FAM25C: variants seen among roughly 807,000 people sequenced by gnomAD.
FAM25C encodes family with sequence similarity 25 member C, also known as protein FAM25C.
In FAM25C, 4 loss-of-function variants were observed where a neutral mutation model predicts 9.6. The ratio of observed to expected loss-of-function variants is 0.42; its 90% CI spans 0.20 to 0.95. The LOEUF (loss-of-function observed/expected upper bound fraction) is 0.95. FAM25C is among the 40% of genes least tolerant of loss of function. The pLI is 0.31. For synonymous variants in FAM25C, 23 were observed against 44.1 expected, an observed-to-expected ratio of 0.52 and a Z score of 1.89; for missense variants, 38 against 110.4, an observed-to-expected ratio of 0.34 and a Z score of 2.94.
rs7096503 is a variant in FAM25C, at chr10:47,995,483, C to T, written c.165G>A (p.Gln55=). 2,953 of 1,532,146 alleles carry T rather than the reference C, an allele frequency of 1.9e-3. 28 individuals are homozygous for T. The African/African-American group carries it at 0.037, about 19-fold the overall frequency. The allele number at this position is 1,532,146 out of a possible 1,614,324, so 94.9% of individuals were successfully genotyped here. The change falls in exon 3 of 3, where the codon CAG becomes CAA. Residue 55 remains glutamine, a synonymous_variant. Transcript: ENST00000617224. ...CCTTCATCTTTTTGTCCCCTGACTC[C>T]TGGGCTTTCTTTATGGCTTCAGCAA... ...KAIAEAIKKA[Q]ESGDKKMKEI...
At chr10:47,995,872 G>GC (rs1555256407) in intron 2 of FAM25C, among the ~76,000 whole-genome samples, 1 of 132,766 alleles carries the variant, frequency 7.5e-6, no homozygotes, top group Non-Finnish European at 1.6e-5. Context: ...TTTTGGCTTG[G>GC]TTATAGTGTT....
At chr10:47,996,814 A>G (rs1230365961) in intron 2 of FAM25C, among the ~76,000 whole-genome samples, 2 of 134,378 alleles carry the variant, frequency 1.5e-5, no homozygotes, top group South Asian at 2.4e-4. Flanking sequence ...AGAATTTTAC[A>G]TGTTAATTTT....
At chr10:47,996,622 GGTATTTTAT>G (rs1217574203) in intron 2 of FAM25C, among the ~76,000 whole-genome samples, 1 of 137,502 alleles carries the variant, frequency 7.3e-6, no homozygotes, top group Non-Finnish European at 1.6e-5. Flanking sequence ...CCTGGCCTAT[GGTATTTTAT>G]AATAGCAGCC....
intron 1 of FAM25C, among the ~76,000 whole-genome samples, chr10:47,998,497 G>C (rs1276191631): frequency 7.3e-6 from 1 of 137,858 alleles, no homozygotes; most frequent in Non-Finnish European, 1.6e-5. Context: ...GAGACAGTTC[G>C]AGAGAGAAAA....
In FAM25C at chr10:47,997,736, T is replaced by C. The variant is rs781972658; in HGVS notation, c.77A>G (p.His26Arg). ...RTEKATEGAI[H>R]AVEEVVKEVV... ...CTCCTTCACCACTTCCTCCACGGCA[T>C]GAACTGAACAGAGGAGACAAGTCCA... Residue 26 changes from histidine (H) to arginine (R), a missense_variant, in exon 2 of 3, where the codon CAT becomes CGT. Physicochemically the swap from His to Arg is conservative, Grantham distance 29. Coordinates refer to ENST00000617224, the MANE Select transcript of FAM25C (RefSeq NM_001137548.3). The C allele has an allele frequency of 2.3e-4, 355 of 1,521,440 alleles. 8 individuals are homozygous for C. Among genetic ancestry groups the C allele is most frequent in the Non-Finnish European group, 4.6e-5 (52 of 1,125,682 alleles). The allele number at this position is 1,521,440 out of a possible 1,614,324, so 94.2% of individuals were successfully genotyped here. A position where few individuals can be genotyped will look rare whatever the true frequency, so the allele number is the denominator to read the frequency against.
chr10:47,996,803 T>C (rs1260567495), intron 2 of FAM25C, among the ~76,000 whole-genome samples: 2 of 141,532 alleles, frequency 1.4e-5, no homozygotes, highest in East Asian at 2.0e-4. Flanking sequence ...ACATTTAACA[T>C]AGAATTTTAC....
At chr10:47,999,322 C>CTTTTTTT in intron 1 of FAM25C, among the ~76,000 whole-genome samples, 1 of 51,376 alleles carries the variant, frequency 1.9e-5, no homozygotes. Context: ...TGACTTTGAA[C>CTTTTTTT]AGACTTGGTG....
chr10:47,997,556 C>G, intron 2 of FAM25C, 121 bp downstream of exon 2: 1 of 786,350 alleles, frequency 1.3e-6, no homozygotes, highest in South Asian at 1.5e-5. Context: ...AGCCAAGAGG[C>G]TCTGAAAGGC....
chr10:47,997,389 A>G lies in FAM25C; in HGVS notation c.136+288T>C, dbSNP rs532254407. Among the ~76,000 whole-genome samples, 7 of 151,694 alleles carry G rather than the reference A, an allele frequency of 4.6e-5. No homozygotes were observed. In the East Asian group the frequency reaches 1.2e-3, roughly 25 times the overall value. ...CTCCCAAAGTGCTGGGATTACAGGC[A>G]TGAGCCACCGTGCCCTGCCATGTTA... On this transcript the variant is annotated intron_variant, in intron 2 of 2. Coordinates refer to ENST00000617224, the MANE Select transcript of FAM25C (RefSeq NM_001137548.3).
intron 2 of FAM25C, among the ~76,000 whole-genome samples, chr10:47,996,820 ATTTTTTTT>A (rs60497249): frequency 2.0e-4 from 15 of 75,070 alleles, no homozygotes; most frequent in Middle Eastern, 8.8e-3. Context: ...TTACATGTTA[ATTTTTTTT>A]TTTTTTTTTT....
intron 1 of FAM25C, among the ~76,000 whole-genome samples, chr10:47,998,517 G>A (rs1173446513): frequency 0.14 from 14,902 of 107,454 alleles, 3 homozygotes; most frequent in African/African-American, 0.24. Context: ...ATGGGAGCAG[G>A]GCGCTATCGC....
chr10:47,998,156 A>G (rs1225078030), intron 1 of FAM25C, among the ~76,000 whole-genome samples: 1 of 151,386 alleles, frequency 6.6e-6, no homozygotes, highest in Non-Finnish European at 1.5e-5. Flanking sequence ...CATGAAACCC[A>G]GGCTGGGCCT....
At chr10:47,995,687 C>A (rs1842791447) in intron 2 of FAM25C, among the ~76,000 whole-genome samples, 176 bp from the exon 3 acceptor site, 1 of 147,952 alleles carries the variant, frequency 6.8e-6, no homozygotes, top group East Asian at 2.0e-4. Flanking sequence ...ATTTCCCCAA[C>A]AACTTGCATT....
chr10:47,998,510 G>A (rs1315595904), intron 1 of FAM25C, among the ~76,000 whole-genome samples: 3 of 135,124 alleles, frequency 2.2e-5, no homozygotes, highest in African/African-American at 5.6e-5. Context: ...AGAGAAAATG[G>A]GAGCAGGGCG....
At chr10:47,997,503 G>A (rs1263357691) in intron 2 of FAM25C, among the ~76,000 whole-genome samples, 174 bp downstream of exon 2, 6 of 151,574 alleles carry the variant, frequency 4.0e-5, no homozygotes, top group East Asian at 1.9e-4. Context: ...GTGTCCTAAC[G>A]CAGTACGGTC....
At chr10:47,996,783 C>A (rs1421426821) in intron 2 of FAM25C, among the ~76,000 whole-genome samples, 1 of 138,230 alleles carries the variant, frequency 7.2e-6, no homozygotes, top group Admixed American at 7.2e-5. Context: ...AGCTCACACA[C>A]ATCAATTTAA....
chr10:47,998,309 T>C (rs1842833416), intron 1 of FAM25C, among the ~76,000 whole-genome samples: 1 of 147,888 alleles, frequency 6.8e-6, no homozygotes. Flanking sequence ...TTTTTTAAAG[T>C]GTGGGTGGTA....
intron 2 of FAM25C, among the ~76,000 whole-genome samples, chr10:47,995,950 C>T (rs189683332): frequency 7.5e-5 from 11 of 147,560 alleles, no homozygotes; most frequent in Non-Finnish European, 1.2e-4. Flanking sequence ...TCCTTTATGG[C>T]GCTGATTTTT....
intron 1 of FAM25C, among the ~76,000 whole-genome samples, chr10:47,998,764 G>A (rs3013913): frequency 0.021 from 2,908 of 141,212 alleles, 175 homozygotes; most frequent in African/African-American, 0.07. Context: ...AGGAATCATA[G>A]AAAACTCAGA....
Sources: allele counts gnomAD v4.1 joint callset (sites outside exome capture counted in the v4.1 genomes callset), GRCh38; gene constraint gnomAD v4.1.1; transcripts MANE v1.5; gene names NCBI Gene and HGNC (gene_info 2026-07-23, HGNC 2026-07-21).